NLRP11: variants seen among roughly 807,000 people sequenced by gnomAD.
NLRP11 encodes NLR family pyrin domain containing 11.
A neutral mutation model predicts 79.3 loss-of-function variants in NLRP11; 53 were observed. The ratio of observed to expected loss-of-function variants is 0.67; its 90% CI spans 0.54 to 0.84. The LOEUF (loss-of-function observed/expected upper bound fraction) is 0.84, where lower values mean the gene tolerates loss of function less well. Ranked by LOEUF, NLRP11 falls within the 40% of genes least tolerant of loss-of-function variation. The pLI is 0.00. For missense variants in NLRP11, 1,264 were observed against 1,255.0 expected, an observed-to-expected ratio of 1.01 and a Z score of -0.11; for synonymous variants, 518 against 462.6, an observed-to-expected ratio of 1.12 and a Z score of -1.54.
intron 6 of NLRP11, among the ~76,000 whole-genome samples, chr19:55,794,410 T>C (rs1978597715): frequency 6.6e-6 from 1 of 152,202 alleles, no homozygotes. Context: ...TTAGCTCATA[T>C]TGACAATTAC....
intron 8 of NLRP11, 37 bp from the exon 9 acceptor site, chr19:55,789,014 C>T (rs372955470): frequency 1.6e-5 from 26 of 1,609,748 alleles, no homozygotes; most frequent in Non-Finnish European, 2.1e-5. Context: ...GGGGCCAAAT[C>T]CTTGAGGAAA....
chr19:55,809,970 T>C lies in NLRP11; in HGVS notation c.640A>G (p.Ile214Val). The change falls in exon 3 of 10, where the codon ATT (isoleucine) becomes GTT (valine). Residue 214 changes from isoleucine (I) to valine (V), a missense_variant. Ile to Val is a conservative substitution (Grantham distance 29). Coordinates refer to ENST00000589093, the Ensembl canonical transcript of NLRP11. The surrounding 1 kb of genome is among the most constrained non-coding windows in gnomAD (Gnocchi z 4.5). ...TTGGGATCAGACAGGATGTCTGCAA[T>C]GGGAGCCTGGCCGTCAGGCCAGTCC... 6.2e-7 allele frequency: 1 copy of C among 1,614,212 alleles called. No individual in the cohort carries two copies. Among genetic ancestry groups the C allele is most frequent in the Non-Finnish European group, 8.5e-7 (1 of 1,180,018 alleles).
exon 10 of NLRP11, chr19:55,785,758 T>C: frequency 7.4e-6 from 12 of 1,614,198 alleles, no homozygotes; most frequent in Non-Finnish European, 1.0e-5. Flanking sequence ...CACACCAATT[T>C]CTCTGCCTTC....
intron 4 of NLRP11, among the ~76,000 whole-genome samples, chr19:55,803,806 G>A (rs1284029279): frequency 6.6e-6 from 1 of 151,436 alleles, no homozygotes. Flanking sequence ...AACAGGCTGG[G>A]CGTGGAGGCT....
At chr19:55,819,586 G>A (rs1348789727) in intron 1 of NLRP11, among the ~76,000 whole-genome samples, 1 of 152,212 alleles carries the variant, frequency 6.6e-6, no homozygotes, top group Non-Finnish European at 1.5e-5. Flanking sequence ...ATGAGTGGAT[G>A]TGGATTGGCT....
chr19:55,821,370 G>A (rs901258360), intron 1 of NLRP11, among the ~76,000 whole-genome samples: 8 of 152,216 alleles, frequency 5.3e-5, no homozygotes, highest in East Asian at 1.9e-4. Context: ...GAGGACACTC[G>A]GGAGCCTGGT....
rs778463640 is a variant in NLRP11, at chr19:55,796,253, G to T, written c.2172-3C>A. The T allele has an allele frequency of 1.2e-6, 2 of 1,607,714 alleles. No homozygotes were observed. Among genetic ancestry groups the T allele is most frequent in the East Asian group, 2.2e-5 (1 of 44,706 alleles). Reference sequence around the variant, plus strand: ...CTCGCAAATCACATTTCATCAAGCTGTAAGAGGAATTCAGAAATGAAAAGA... The same window carrying T: ...CTCGCAAATCACATTTCATCAAGCTTTAAGAGGAATTCAGAAATGAAAAGA... On this transcript the variant is annotated splice_region_variant and splice_polypyrimidine_tract_variant and intron_variant, in intron 5 of 9. Transcript: ENST00000589093.
rs1158300044 is a variant in NLRP11, at chr19:55,789,217, C to T, written c.2684+12G>A. 2 of 1,601,170 alleles carry T rather than the reference C, an allele frequency of 1.2e-6. No individual in the cohort carries two copies. Among genetic ancestry groups the T allele is most frequent in the Non-Finnish European group, 8.5e-7 (1 of 1,174,964 alleles). ...AGCTAAAGGCAGGGATCTTTCTCCA[C>T]CAGGCACCTACCCAATATTCACCAA... is the stretch of plus-strand genomic sequence containing the variant. On this transcript the variant is annotated intron_variant, in intron 8 of 9. Coordinates refer to ENST00000589093, the Ensembl canonical transcript of NLRP11.
At chr19:55,835,479 T>A (rs900740653), upstream of NLRP11, among the ~76,000 whole-genome samples, 207 of 134,490 alleles carry the variant, frequency 1.5e-3, no homozygotes, top group Middle Eastern at 0.033. Context: ...GGCGGGCAGA[T>A]CACTTGAGGT....
At chr19:55,813,374 C>T (rs1013956107) in intron 2 of NLRP11, among the ~76,000 whole-genome samples, 4 of 152,080 alleles carry the variant, frequency 2.6e-5, no homozygotes, top group African/African-American at 7.2e-5. Flanking sequence ...TTTCCTCTAC[C>T]CTTTAATTAC....
At chr19:55,803,215 C>T (rs1005621667) in intron 4 of NLRP11, among the ~76,000 whole-genome samples, 9 of 151,946 alleles carry the variant, frequency 5.9e-5, no homozygotes, top group African/African-American at 1.7e-4. Flanking sequence ...GGCGTGGTGG[C>T]GGGTGCCTGT....
upstream of NLRP11, among the ~76,000 whole-genome samples, chr19:55,833,741 C>A (rs1177774846): frequency 7.8e-6 from 1 of 128,528 alleles, no homozygotes; most frequent in Non-Finnish European, 1.6e-5. Flanking sequence ...GCACTCCAGC[C>A]TGGGCGACAG....
chr19:55,820,340 C>A (rs1388870559), intron 1 of NLRP11, among the ~76,000 whole-genome samples: 1 of 151,856 alleles, frequency 6.6e-6, no homozygotes, highest in African/African-American at 2.4e-5. Context: ...TTTAGGAAAT[C>A]ATATACAATT....
chr19:55,789,445 A>C (rs765337766), intron 7 of NLRP11, 46 bp from the exon 8 acceptor site: 1 of 1,544,350 alleles, frequency 6.5e-7, no homozygotes, highest in African/African-American at 1.4e-5. Flanking sequence ...CCTGTCTCCA[A>C]AGATTTATTT....
chr19:55,822,618 GGAGTTCCCTTTCC>G (rs1447315506), intron 1 of NLRP11, among the ~76,000 whole-genome samples: 6 of 152,272 alleles, frequency 3.9e-5, no homozygotes, highest in Admixed American at 1.3e-4. Flanking sequence ...GAGGGGTCAG[GGAGTTCCCTTTCC>G]GAGTCAAAGA....
intron 2 of NLRP11, among the ~76,000 whole-genome samples, chr19:55,813,761 A>T (rs1980827840): frequency 6.6e-6 from 1 of 152,066 alleles, no homozygotes; most frequent in Admixed American, 6.5e-5. Context: ...GAGGGGAAAG[A>T]CATTGCAATG....
rs563363527 is a variant in NLRP11, at chr19:55,811,534, C to A, written c.272-1196G>T. On this transcript the variant is annotated intron_variant, in intron 2 of 9. Transcript: ENST00000589093. ...GGAATGTGGCACACTGGCTCCCCCC[C>A]AGTGGAGATGAGCCTGATGGATCAA... 7.2e-5 allele frequency among the ~76,000 whole-genome samples: 11 copies of A among 152,272 alleles called. No individual in the cohort carries two copies. The South Asian group carries it at 8.3e-4, about 11-fold the overall frequency.
chr19:55,790,192 T>C (rs1195485950), intron 7 of NLRP11, among the ~76,000 whole-genome samples: 4 of 152,190 alleles, frequency 2.6e-5, no homozygotes, highest in Non-Finnish European at 5.9e-5. Context: ...CCTGATTACG[T>C]GCCCTTAGGA....
chr19:55,785,606 C>T (rs1989822889), exon 10 of NLRP11: 2 of 1,593,412 alleles, frequency 1.3e-6, no homozygotes, highest in Admixed American at 1.8e-5. Flanking sequence ...ATAATAAATA[C>T]TGTTTACGTA....
Sources: gnomAD v4.1 joint callset for allele counts (sites outside exome capture counted in the v4.1 genomes callset) on GRCh38, gnomAD v4.1.1 for gene constraint, Gnocchi (gnomAD v3.1) non-coding constraint, MANE v1.5 for transcripts, NCBI Gene and HGNC (gene_info 2026-07-23, HGNC 2026-07-21) for gene names.